Variants in KCNAB2 observed in about 807,000 individuals in gnomAD.
KCNAB2 encodes the protein potassium voltage-gated channel subfamily A regulatory beta subunit 2.
KCNAB2 carries 29 observed loss-of-function variants against 63.6 expected under a neutral mutation model. The observed-to-expected ratio is 0.46, with a 90% CI of 0.34 to 0.62. The LOEUF (loss-of-function observed/expected upper bound fraction) is 0.62. Among genes scored for constraint, KCNAB2 ranks in the 20% least tolerant of loss-of-function variants. KCNAB2 has a pLI of 0.01. For missense variants in KCNAB2, 359 were observed against 563.9 expected (o/e 0.64, Z 3.68); for synonymous variants, 222 against 224.2 (o/e 0.99, Z 0.09).
rs1306951542 is a variant in KCNAB2 at position 6,024,967 on chromosome 1, G to A, written c.-52-15550G>A. ...AAGCATGTCATAGTCAGGGTTGGGA[G>A]CAAGGCCCAGAGCTGGCTCAACATG... On this transcript the variant is annotated intron_variant, in intron 1 of 16. Transcript: ENST00000341524. This position sits in a 1 kb window ranked among gnomAD's most constrained non-coding sequence, Gnocchi z 5.4. 1.3e-5 allele frequency among the ~76,000 whole-genome samples: 2 copies of A among 152,210 alleles called. No homozygotes were observed. The highest frequency in any genetic ancestry group is 2.9e-5 in the Non-Finnish European group (2 of 68,028).
intron 5 of KCNAB2, among the ~76,000 whole-genome samples, chr1:6,084,540 G>A (rs1469362303): frequency 6.6e-6 from 1 of 152,194 alleles, no homozygotes; most frequent in East Asian, 1.9e-4. Context: ...ACTTGTCCCG[G>A]CGCGGTGGCT....
intron 2 of KCNAB2, among the ~76,000 whole-genome samples, chr1:6,062,330 C>T (rs1195431831): frequency 6.6e-6 from 1 of 151,714 alleles, no homozygotes; most frequent in Admixed American, 6.6e-5. Context: ...AAAAAAAAGT[C>T]CAGTGTCTCT....
chr1:6,084,620 AG>A (rs1664508008), intron 5 of KCNAB2, among the ~76,000 whole-genome samples: 1 of 152,168 alleles, frequency 6.6e-6, no homozygotes, highest in Non-Finnish European at 1.5e-5. Context: ...GTTCGAGACC[AG>A]CCTGGCCAAC....
At chr1:6,072,680 GC>G in intron 2 of KCNAB2, 74 bp from the exon 3 acceptor site, 2 of 1,501,052 alleles carry the variant, frequency 1.3e-6, no homozygotes, top group Non-Finnish European at 1.9e-6. Flanking sequence ...TGGGGGGCTG[GC>G]CCTGGCGGGA....
intron 1 of KCNAB2, among the ~76,000 whole-genome samples, chr1:6,014,852 A>T (rs1658390213): frequency 6.6e-6 from 1 of 152,068 alleles, no homozygotes; most frequent in Non-Finnish European, 1.5e-5. Flanking sequence ...CTTTGACCTG[A>T]AGGAGTTCCC....
At position 6,100,262 on chromosome 1, in the gene KCNAB2, T is replaced by C; in HGVS notation, c.*1688T>C. On this transcript the variant is annotated 3_prime_UTR_variant, in exon 16 of 16. Coordinates refer to ENST00000378083, the MANE Select transcript of KCNAB2 (RefSeq NM_001199862.2). ...AGCTTCTGCTATTACCGACCCCCCTTCATGCTGCCCCTGGCGCCTAGAACC... is the reference window on the plus strand; with the variant it reads ...AGCTTCTGCTATTACCGACCCCCCTCCATGCTGCCCCTGGCGCCTAGAACC... The C allele has an allele frequency of 1.8e-6, 1 of 562,178 alleles. No homozygotes were observed. The highest frequency in any genetic ancestry group is 2.9e-6 in the Non-Finnish European group (1 of 350,806). 34.8% of individuals were successfully genotyped at this position (562,178 alleles called of 1,614,324 possible).
rs1402847557 is a variant in KCNAB2 at position 5,994,039 on chromosome 1, G to A, written c.-53+1251G>A. 6.6e-6 allele frequency among the ~76,000 whole-genome samples: 1 copy of A among 152,174 alleles called. No individual in the cohort carries two copies. The highest frequency in any genetic ancestry group is 1.5e-5 in the Non-Finnish European group (1 of 68,036). The stretch of plus-strand genomic sequence containing the variant: ...AGATGACATAAGTAATAGCTCTTGG[G>A]GAAGTGGGCTATTAGCATTTATGGA... On this transcript the variant is annotated intron_variant, in intron 1 of 16. Transcript: ENST00000341524. The surrounding 1 kb of genome is among the most constrained non-coding windows in gnomAD (Gnocchi z 5.4).
At chr1:6,021,540 A>G (rs554203221) in intron 1 of KCNAB2, among the ~76,000 whole-genome samples, 199 of 152,324 alleles carry the variant, frequency 1.3e-3, no homozygotes, top group African/African-American at 4.6e-3. Flanking sequence ...TTAAGTGTAC[A>G]GTTCAGTGGT....
chr1:6,073,842 G>C lies in KCNAB2; in HGVS notation c.300+72G>C. On this transcript the variant is annotated intron_variant, in intron 4 of 15. Coordinates refer to ENST00000378083, the MANE Select transcript of KCNAB2 (RefSeq NM_001199862.2). This position sits in a 1 kb window ranked among gnomAD's most constrained non-coding sequence, Gnocchi z 5.7. ...CAGAGCACATGGTTAAGTCTGCCGC[G>C]TGGACCAGTGAGCACGTGCTCCCGG... The C allele has an allele frequency of 6.7e-7, 1 of 1,486,318 alleles. No homozygotes were observed. Among genetic ancestry groups the C allele is most frequent in the Non-Finnish European group, 9.4e-7 (1 of 1,065,430 alleles). 92.1% of individuals were successfully genotyped at this position (1,486,318 alleles called of 1,614,324 possible).
intron 1 of KCNAB2, among the ~76,000 whole-genome samples, chr1:6,023,551 C>T (rs970230497): frequency 3.9e-5 from 6 of 152,134 alleles, no homozygotes; most frequent in Non-Finnish European, 8.8e-5. Flanking sequence ...TGGTTACTGA[C>T]GTTGAGCACC....
intron 3 of KCNAB2, 90 bp downstream of exon 3, chr1:6,072,888 G>A: frequency 7.5e-7 from 1 of 1,327,810 alleles, no homozygotes; most frequent in Non-Finnish European, 1.1e-6. Context: ...TGGGAGGCAG[G>A]GTGGCCCAAA....
intron 4 of KCNAB2, among the ~76,000 whole-genome samples, chr1:6,079,677 A>G (rs566559530): frequency 6.6e-6 from 1 of 152,208 alleles, no homozygotes; most frequent in Non-Finnish European, 1.5e-5. Flanking sequence ...AGTTAAATTC[A>G]TAAATACCAG....
chr1:6,096,515 G>A lies in KCNAB2; in HGVS notation c.949-121G>A, dbSNP rs1665652437. ...AGGGGCACTGCCCTGGCTTCAAGAT[G>A]AGAAGAGCCCCTATGAGGGAGAAGG... On this transcript the variant is annotated intron_variant, in intron 13 of 15. Transcript: ENST00000378083. The surrounding 1 kb of genome is among the most constrained non-coding windows in gnomAD (Gnocchi z 5.9). 3 of 1,340,172 alleles carry A rather than the reference G, an allele frequency of 2.2e-6. No homozygotes were observed. The highest frequency in any genetic ancestry group is 3.0e-5 in the African/African-American group (2 of 67,778). 83.0% of individuals were successfully genotyped at this position (1,340,172 alleles called of 1,614,324 possible). A position where few individuals can be genotyped will look rare whatever the true frequency, so the allele number is the denominator to read the frequency against.
chr1:6,081,102 C>T (rs925576079), intron 4 of KCNAB2, among the ~76,000 whole-genome samples: 26 of 152,246 alleles, frequency 1.7e-4, no homozygotes, highest in Non-Finnish European at 1.5e-5. Flanking sequence ...AGTCCCACCC[C>T]ACGACCAGTT....
intron 1 of KCNAB2, among the ~76,000 whole-genome samples, chr1:6,011,084 G>C (rs1199897140): frequency 6.6e-6 from 1 of 152,240 alleles, no homozygotes; most frequent in Non-Finnish European, 1.5e-5. Context: ...GACCCGTTCA[G>C]ACCTGGGACT....
rs184821577 is a variant in KCNAB2, at chr1:6,068,028, C to A, written c.219-4727C>A. On this transcript the variant is annotated intron_variant, in intron 2 of 15. Transcript: ENST00000378083. ...CCTGGGTGACAGAATGAGAGCCTGT[C>A]TCAAAAAAAATAAAGCTAGGAGTAA... 2.2e-3 allele frequency among the ~76,000 whole-genome samples: 339 copies of A among 152,134 alleles called. 2 individuals are homozygous for A. The highest frequency in any genetic ancestry group is 3.4e-3 in the Non-Finnish European group (228 of 67,988).
upstream of KCNAB2, among the ~76,000 whole-genome samples, chr1:6,044,563 A>G (rs1206800993): frequency 6.6e-6 from 1 of 152,138 alleles, no homozygotes; most frequent in African/African-American, 2.4e-5. Context: ...GAGAATAAAG[A>G]GAGGCTGGCT....
At position 6,035,175 on chromosome 1, in the gene KCNAB2, G is replaced by A. The variant is rs905886388; in HGVS notation, c.-53+381G>A. 6.6e-6 allele frequency among the ~76,000 whole-genome samples: 1 copy of A among 151,568 alleles called. No individual in the cohort carries two copies. The highest frequency in any genetic ancestry group is 6.6e-5 in the Admixed American group (1 of 15,158). On this transcript the variant is annotated intron_variant, in intron 1 of 15. Coordinates refer to the KCNAB2 transcript ENST00000164247. The surrounding 1 kb of genome is among the most constrained non-coding windows in gnomAD (Gnocchi z 5.0). ...GGAGGAGTGCATGAAGCCCTGAGGTGGGAGTGAGTCTGTCTGCTGGGTTCA... is the reference window on the plus strand; with the variant it reads ...GGAGGAGTGCATGAAGCCCTGAGGTAGGAGTGAGTCTGTCTGCTGGGTTCA...
intron 2 of KCNAB2, among the ~76,000 whole-genome samples, chr1:6,060,005 C>T (rs1662171804): frequency 6.6e-6 from 1 of 152,214 alleles, no homozygotes; most frequent in Non-Finnish European, 1.5e-5. Flanking sequence ...TGTCATCGGT[C>T]CTGTGGCCTC....
Sources: gnomAD v4.1 joint callset for allele counts (sites outside exome capture counted in the v4.1 genomes callset) on GRCh38, gnomAD v4.1.1 for gene constraint, Gnocchi (gnomAD v3.1) non-coding constraint, MANE v1.5 for transcripts, NCBI Gene and HGNC (gene_info 2026-07-23, HGNC 2026-07-21) for gene names.